EGLN1: variants seen among roughly 807,000 people sequenced by gnomAD.
The protein encoded by EGLN1 is egl-9 family hypoxia inducible factor 1, also known as egl nine homolog 1.
In EGLN1, 17 loss-of-function variants were observed where a neutral mutation model predicts 38.3. The observed-to-expected ratio is 0.44, with a 90% CI of 0.30 to 0.67. The LOEUF (loss-of-function observed/expected upper bound fraction) is 0.67, where lower values mean the gene tolerates loss of function less well. EGLN1 is among the 30% of genes least tolerant of loss of function. EGLN1 has a pLI of 0.08. For missense variants in EGLN1, 477 were observed against 603.3 expected (o/e 0.79, Z 2.19); for synonymous variants, 283 against 257.5 (o/e 1.10, Z -0.95).
intron 1 of EGLN1, among the ~76,000 whole-genome samples, chr1:231,389,731 G>A (rs934439457): frequency 6.6e-6 from 1 of 152,110 alleles, no homozygotes; most frequent in East Asian, 1.9e-4. Context: ...GGCGGGTCAC[G>A]AGGTCAAGAG....
chr1:231,375,268 C>A (rs375498172), intron 1 of EGLN1, among the ~76,000 whole-genome samples: 2 of 147,388 alleles, frequency 1.4e-5, no homozygotes, highest in South Asian at 4.4e-4. Context: ...GTTGGCCAAG[C>A]TGGTCTTAAA....
At chr1:231,416,809 C>T (rs1237552889) in intron 1 of EGLN1, among the ~76,000 whole-genome samples, 2 of 152,212 alleles carry the variant, frequency 1.3e-5, no homozygotes, top group Non-Finnish European at 2.9e-5. Flanking sequence ...TCAGTCCACA[C>T]GTCCCTTATA....
chr1:231,378,040 A>C (rs1688000718), intron 1 of EGLN1, among the ~76,000 whole-genome samples: 1 of 152,168 alleles, frequency 6.6e-6, no homozygotes, highest in South Asian at 2.1e-4. Context: ...GGCCATTACC[A>C]CTTTAGTCTT....
intron 1 of EGLN1, among the ~76,000 whole-genome samples, chr1:231,380,069 C>CA (rs993688094): frequency 6.6e-6 from 1 of 150,938 alleles, no homozygotes; most frequent in African/African-American, 2.4e-5. Context: ...TGTGGAACTC[C>CA]AAAAAAAAGT....
Position 231,421,396 on chromosome 1 carries a change from G to T in EGLN1, c.493C>A (p.Pro165Thr), listed in dbSNP as rs200502960. The change falls in exon 1 of 5, where the codon CCA becomes ACA. Residue 165 changes from proline to threonine, a missense_variant. Pro to Thr is a conservative substitution (Grantham distance 38, BLOSUM62 -1). Coordinates refer to ENST00000366641, the MANE Select transcript of EGLN1 (RefSeq NM_022051.3). The surrounding 1 kb of genome is among the most constrained non-coding windows in gnomAD (Gnocchi z 5.5). Reference protein sequence around the residue: ...LFQEKANLYPPSNTPGDALSP... With the variant: ...LFQEKANLYPTSNTPGDALSP... ...AGCGCATCCCCGGGCGTGTTGCTTG[G>T]GGGGTACAGGTTCGCCTTCTCCTGG... 1.3e-5 allele frequency: 21 copies of T among 1,603,776 alleles called. No individual in the cohort carries two copies. The African/African-American group carries it at 1.6e-4, about 12-fold the overall frequency.
Position 231,422,059 on chromosome 1 carries a change from G to C in EGLN1, c.-171C>G, listed in dbSNP as rs1014045341. On this transcript the variant is annotated 5_prime_UTR_variant, in exon 1 of 5. Coordinates refer to ENST00000366641, the MANE Select transcript of EGLN1 (RefSeq NM_022051.3). ...GGCACCCCACGCCCTCGGCCCGGCC[G>C]CTTCCGAGTCCTAAGCTCCGGCGCA... The C allele has an allele frequency of 8.0e-6, 5 of 622,472 alleles. No individual in the cohort carries two copies. Among genetic ancestry groups the C allele is most frequent in the Non-Finnish European group, 1.2e-5 (5 of 422,400 alleles). The allele number at this position is 622,472 out of a possible 1,614,324, so 38.6% of individuals were successfully genotyped here.
At chr1:231,415,779 T>C (rs1689064596) in intron 1 of EGLN1, among the ~76,000 whole-genome samples, 1 of 151,854 alleles carries the variant, frequency 6.6e-6, no homozygotes, top group South Asian at 2.1e-4. Context: ...GAAACTGGAC[T>C]AAGGATACAG....
At chr1:231,403,809 A>C (rs187141024) in intron 1 of EGLN1, among the ~76,000 whole-genome samples, 1 of 151,518 alleles carries the variant, frequency 6.6e-6, no homozygotes, top group East Asian at 1.9e-4. Context: ...TACAGTTAAA[A>C]TATATATGCA....
intron 1 of EGLN1, among the ~76,000 whole-genome samples, chr1:231,374,749 T>G (rs1687915133): frequency 6.6e-6 from 1 of 152,072 alleles, no homozygotes; most frequent in African/African-American, 2.4e-5. Flanking sequence ...GGAGGTCAAC[T>G]AAACTCCAAA....
chr1:231,415,220 C>A (rs1689047864), intron 1 of EGLN1, among the ~76,000 whole-genome samples: 1 of 150,904 alleles, frequency 6.6e-6, no homozygotes, highest in Non-Finnish European at 1.5e-5. Flanking sequence ...CTGCAGTAAG[C>A]CATAATTGCA....
In EGLN1 at chr1:231,364,731, A is replaced by T. The variant is rs1687594273; in HGVS notation, c.*1680T>A. The T allele has an allele frequency of 1.3e-5, 2 of 152,242 alleles. No homozygotes were observed. The highest frequency in any genetic ancestry group is 3.8e-4 in the East Asian group (2 of 5,202). The allele number at this position is 152,242 out of a possible 1,614,324, so 9.4% of individuals were successfully genotyped here. On this transcript the variant is annotated 3_prime_UTR_variant, in exon 5 of 5. Coordinates refer to ENST00000366641, the MANE Select transcript of EGLN1 (RefSeq NM_022051.3). Reference sequence around the variant, plus strand: ...GATGCTAAAAATGTCTTAAGTTGAAATATACAGAAAATTTCTGTATACTCA... The same window carrying T: ...GATGCTAAAAATGTCTTAAGTTGAATTATACAGAAAATTTCTGTATACTCA...
At position 231,421,069 on chromosome 1, in the gene EGLN1, T is replaced by G. The variant is rs1238869724; in HGVS notation, c.820A>C (p.Ser274Arg). 2 of 1,614,158 alleles carry G rather than the reference T, an allele frequency of 1.2e-6. No individual in the cohort carries two copies. Among genetic ancestry groups the G allele is most frequent in the Admixed American group, 3.3e-5 (2 of 60,028 alleles). The stretch of plus-strand genomic sequence containing the variant: ...TGGCGTATCAGGTCGTCCATGCTGC[T>G]CATGAGCAGCCCAATGGTTTCGCAG... ...PGCETIGLLMSSMDDLIRHCN... is the reference protein window; with the variant it reads ...PGCETIGLLMRSMDDLIRHCN... The change falls in exon 1 of 5, where the codon AGC becomes CGC. Residue 274 changes from serine to arginine, a missense_variant. Transcript: ENST00000366641. This position sits in a 1 kb window ranked among gnomAD's most constrained non-coding sequence, Gnocchi z 5.5.
intron 1 of EGLN1, among the ~76,000 whole-genome samples, chr1:231,410,381 G>C (rs182981227): frequency 1.3e-5 from 2 of 152,188 alleles, no homozygotes; most frequent in Non-Finnish European, 2.9e-5. Flanking sequence ...CACTGAGTGA[G>C]GCTAGAAGCA....
chr1:231,406,021 T>G (rs1212927207), intron 1 of EGLN1, among the ~76,000 whole-genome samples: 1 of 95,970 alleles, frequency 1.0e-5, no homozygotes, highest in Non-Finnish European at 1.8e-5. Context: ...GCACTACTAT[T>G]ACTAAGGCTT....
In EGLN1 at chr1:231,395,113, C is replaced by T. The variant is rs1688487523; in HGVS notation, c.892-21014G>A. Among the ~76,000 whole-genome samples, 2 of 152,204 alleles carry T rather than the reference C, an allele frequency of 1.3e-5. 1 individual carries two copies. The highest frequency in any genetic ancestry group is 4.1e-4 in the South Asian group (2 of 4,828). ...CAGATTCCATCCTTTCTCACCTCCT[C>T]AGAGATCTTTTACTCTAAGTCAACA... On this transcript the variant is annotated intron_variant, in intron 1 of 4. Coordinates refer to ENST00000366641, the MANE Select transcript of EGLN1 (RefSeq NM_022051.3).
intron 1 of EGLN1, among the ~76,000 whole-genome samples, chr1:231,391,492 G>C (rs1049418413): frequency 7.9e-5 from 12 of 151,994 alleles, no homozygotes; most frequent in Non-Finnish European, 1.6e-4. Flanking sequence ...ACACAGATCA[G>C]ACATTTCAGA....
intron 1 of EGLN1, among the ~76,000 whole-genome samples, chr1:231,400,966 T>G (rs1347986177): frequency 6.6e-6 from 1 of 152,062 alleles, no homozygotes; most frequent in Non-Finnish European, 1.5e-5. Flanking sequence ...GGAGGATCAT[T>G]TCAGCCCAGA....
intron 1 of EGLN1, among the ~76,000 whole-genome samples, chr1:231,405,444 T>C (rs937281149): frequency 1.3e-5 from 2 of 152,116 alleles, no homozygotes; most frequent in Non-Finnish European, 2.9e-5. Flanking sequence ...CCCAAAGCGC[T>C]GGGATTACAG....
At chr1:231,387,223 T>A (rs1436391000) in intron 1 of EGLN1, among the ~76,000 whole-genome samples, 1 of 128,084 alleles carries the variant, frequency 7.8e-6, no homozygotes, top group African/African-American at 2.8e-5. Flanking sequence ...AACACCGGCA[T>A]GCTATATATG....
Sources: allele counts gnomAD v4.1 joint callset (sites outside exome capture counted in the v4.1 genomes callset), GRCh38; gene constraint gnomAD v4.1.1; non-coding constraint Gnocchi (gnomAD v3.1); transcripts MANE v1.5; gene names NCBI Gene and HGNC (gene_info 2026-07-23, HGNC 2026-07-21).